NCOA1: variants seen among roughly 807,000 people sequenced by gnomAD.
NCOA1 encodes Hin-2 protein.
A neutral mutation model predicts 150.9 loss-of-function variants in NCOA1; 35 were observed. The observed-to-expected ratio is 0.23, with a 90% CI of 0.18 to 0.31. NCOA1 has a LOEUF of 0.31. Ranked by LOEUF, NCOA1 falls within the 10% of genes least tolerant of loss-of-function variation. The pLI, the probability that NCOA1 is intolerant of heterozygous loss-of-function variation, is 1.00. For missense variants in NCOA1, 1,491 were observed against 1,749.3 expected (o/e 0.85, Z 2.63); for synonymous variants, 590 against 630.0 (o/e 0.94, Z 0.95).
At chr2:24,764,447 G>A (rs144520353) in intron 22 of NCOA1, among the ~76,000 whole-genome samples, 3 of 152,218 alleles carry the variant, frequency 2.0e-5, no homozygotes, top group Non-Finnish European at 4.4e-5. Flanking sequence ...GCAAGAGATA[G>A]AGCTGAGCTG....
intron 2 of NCOA1, among the ~76,000 whole-genome samples, chr2:24,575,635 G>A (rs188419552): frequency 6.1e-5 from 9 of 148,706 alleles, no homozygotes; most frequent in Non-Finnish European, 5.9e-5. Flanking sequence ...ATGCAGTGGT[G>A]CAATCTTGGC....
chr2:24,571,688 A>G (rs1666750326), intron 2 of NCOA1, among the ~76,000 whole-genome samples: 2 of 152,202 alleles, frequency 1.3e-5, no homozygotes, highest in East Asian at 1.9e-4. Context: ...CCTTTTAAAG[A>G]CCAGTTTTTA....
intron 9 of NCOA1, 140 bp downstream of exon 9, chr2:24,691,800 A>C: frequency 1.3e-6 from 1 of 743,748 alleles, no homozygotes. Context: ...TCCATTTGCT[A>C]TATATTCTTA....
chr2:24,749,163 C>T (rs1050144869), intron 19 of NCOA1, among the ~76,000 whole-genome samples: 3 of 152,312 alleles, frequency 2.0e-5, no homozygotes, highest in Admixed American at 6.5e-5. Flanking sequence ...ACTTTCCCAT[C>T]TGAAACAAAT....
At chr2:24,723,318 A>G (rs532174498) in intron 14 of NCOA1, among the ~76,000 whole-genome samples, 59 of 152,186 alleles carry the variant, frequency 3.9e-4, no homozygotes, top group Non-Finnish European at 7.3e-4. Flanking sequence ...TAGCTGTACA[A>G]CTTCTTACAG....
intron 22 of NCOA1, among the ~76,000 whole-genome samples, chr2:24,763,610 C>G (rs1664899243): frequency 7.5e-6 from 1 of 132,882 alleles, no homozygotes; most frequent in Admixed American, 7.5e-5. Flanking sequence ...ACTTTGGTCT[C>G]TCTCTCTTTT....
At chr2:24,532,169 T>G (rs1344418205) in intron 1 of NCOA1, among the ~76,000 whole-genome samples, 1 of 152,272 alleles carries the variant, frequency 6.6e-6, no homozygotes, top group Non-Finnish European at 1.5e-5. Flanking sequence ...TGAGATGGTA[T>G]CTCACTGTGG....
chr2:24,635,063 TCATGTAATAAC>T (rs1381630501), intron 3 of NCOA1, among the ~76,000 whole-genome samples: 1 of 152,080 alleles, frequency 6.6e-6, no homozygotes, highest in African/African-American at 2.4e-5. Context: ...GCACAGATGA[TCATGTAATAAC>T]CATGTAATAA....
intron 22 of NCOA1, among the ~76,000 whole-genome samples, chr2:24,763,316 G>A (rs1424721715): frequency 2.0e-5 from 3 of 151,910 alleles, no homozygotes; most frequent in Admixed American, 2.0e-4. Flanking sequence ...GAGGCGGGCG[G>A]ATCACAAGGT....
intron 4 of NCOA1, among the ~76,000 whole-genome samples, chr2:24,651,353 T>C (rs957451230): frequency 6.6e-6 from 1 of 152,046 alleles, no homozygotes; most frequent in African/African-American, 2.4e-5. Flanking sequence ...ATATATGCAA[T>C]GGAATATTAT....
rs542321165 is a variant in NCOA1, at chr2:24,762,392, G to A, written c.4066-295G>A. On this transcript the variant is annotated intron_variant, in intron 21 of 22. Transcript: ENST00000348332. The stretch of plus-strand genomic sequence containing the variant: ...TTAAAGTATCATATATAAGAATATA[G>A]AGAAAAGTGTACAACTCAATAGATT... Among the ~76,000 whole-genome samples the A allele has an allele frequency of 1.0e-3, 152 of 152,268 alleles. 1 individual carries two copies. Among genetic ancestry groups the A allele is most frequent in the African/African-American group, 3.5e-3 (147 of 41,554 alleles).
At chr2:24,723,394 A>T (rs1385918267) in intron 14 of NCOA1, among the ~76,000 whole-genome samples, 1 of 152,240 alleles carries the variant, frequency 6.6e-6, no homozygotes, top group Non-Finnish European at 1.5e-5. Context: ...GCTGTAATGA[A>T]TAATCTTATG....
At chr2:24,530,285 C>T (rs148038098) in intron 1 of NCOA1, among the ~76,000 whole-genome samples, 112 of 152,292 alleles carry the variant, frequency 7.4e-4, no homozygotes, top group Middle Eastern at 3.4e-3. Context: ...TTTGCCTTCC[C>T]ATTTATTTAC....
chr2:24,747,093 A>G (rs769607270), intron 19 of NCOA1, among the ~76,000 whole-genome samples: 1 of 152,058 alleles, frequency 6.6e-6, no homozygotes, highest in African/African-American at 2.4e-5. Flanking sequence ...ACTAAAAACA[A>G]CAGCAACAAC....
At chr2:24,605,749 G>C (rs1217470262) in intron 3 of NCOA1, among the ~76,000 whole-genome samples, 4 of 152,172 alleles carry the variant, frequency 2.6e-5, no homozygotes, top group Non-Finnish European at 4.4e-5. Context: ...GTTGCATCAG[G>C]AATGGCCATG....
intron 14 of NCOA1, among the ~76,000 whole-genome samples, chr2:24,725,714 C>CGTGTGTGTGTGTGTGT (rs57720230): frequency 2.0e-5 from 3 of 148,874 alleles, no homozygotes; most frequent in African/African-American, 7.6e-5. Context: ...CTAAAGTGTG[C>CGTGTGTGTGTGTGTGT]GTGTGTGTGT....
chr2:24,624,355 G>A (rs1299333656), intron 3 of NCOA1, among the ~76,000 whole-genome samples: 2 of 152,158 alleles, frequency 1.3e-5, no homozygotes, highest in Non-Finnish European at 2.9e-5. Flanking sequence ...TATTAATCAA[G>A]TAAATTTTTC....
Position 24,491,320 on chromosome 2 carries a change from A to G in NCOA1, c.-678A>G, listed in dbSNP as rs1426023279. On this transcript the variant is annotated 5_prime_UTR_variant, in exon 1 of 23. Transcript: ENST00000348332. ...AGAGCGGCTGAAATGCCTGTTCTTCAGGCCGGGCGAGCGGGAGTCTGACGC... is the reference window on the plus strand; with the variant it reads ...AGAGCGGCTGAAATGCCTGTTCTTCGGGCCGGGCGAGCGGGAGTCTGACGC... 1.4e-4 allele frequency among the ~76,000 whole-genome samples: 20 copies of G among 147,002 alleles called. 1 individual carries two copies. In the East Asian group the frequency reaches 4.0e-3, roughly 29 times the overall value.
At chr2:24,595,344 A>G (rs1477560742) in intron 3 of NCOA1, among the ~76,000 whole-genome samples, 2 of 152,128 alleles carry the variant, frequency 1.3e-5, no homozygotes, top group African/African-American at 4.8e-5. Context: ...AGTTTCTTAC[A>G]TGAGTTTCAT....
Sources: allele counts gnomAD v4.1 joint callset (sites outside exome capture counted in the v4.1 genomes callset), GRCh38; gene constraint gnomAD v4.1.1; transcripts MANE v1.5; gene names NCBI Gene and HGNC (gene_info 2026-07-23, HGNC 2026-07-21).